Variants in TNIK observed in about 807,000 individuals in gnomAD.
TNIK encodes the protein TRAF2 and NCK-interacting protein kinase.
A neutral mutation model predicts 191.3 loss-of-function variants in TNIK; 49 were observed. That is an observed-to-expected ratio of 0.26 (90% CI 0.20 to 0.32). The LOEUF is 0.32. Ranked by LOEUF, TNIK falls within the 10% of genes least tolerant of loss-of-function variation. TNIK has a pLI of 1.00. For missense variants in TNIK, 1,155 were observed against 1,702.3 expected, an observed-to-expected ratio of 0.68 and a Z score of 5.66; for synonymous variants, 594 against 600.9, an observed-to-expected ratio of 0.99 and a Z score of 0.17.
chr3:171,288,137 G>A (rs1751228496), intron 2 of TNIK, among the ~76,000 whole-genome samples: 1 of 130,656 alleles, frequency 7.7e-6, no homozygotes, highest in African/African-American at 2.9e-5. Context: ...ATGGACACAG[G>A]AAGGGGAATA....
rs148251835 is a variant in TNIK, at chr3:171,082,821, C to T, written c.3170-427G>A. 3.7e-3 allele frequency: 582 copies of T among 155,664 alleles called. 5 individuals carry two copies. Among genetic ancestry groups the T allele is most frequent in the African/African-American group, 0.014 (568 of 41,648 alleles). The allele number at this position is 155,664 out of a possible 1,614,324, so 9.6% of individuals were successfully genotyped here. On this transcript the variant is annotated intron_variant, in intron 26 of 32. Transcript: ENST00000436636. ...CTCTAGCCTACCCACCTTCAATATA[C>T]AGTGGAATTTCCATTTCCATACTCC...
At chr3:171,292,551 C>A (rs536286392) in intron 2 of TNIK, among the ~76,000 whole-genome samples, 3 of 152,054 alleles carry the variant, frequency 2.0e-5, no homozygotes, top group Non-Finnish European at 2.9e-5. Flanking sequence ...CCCAGGCGGG[C>A]GGAACATGAG....
chr3:171,118,438 C>T (rs1727105548), intron 18 of TNIK, among the ~76,000 whole-genome samples: 2 of 152,180 alleles, frequency 1.3e-5, no homozygotes, highest in Admixed American at 1.3e-4. Context: ...GAAAAAACTA[C>T]TTTAAAGTTC....
intron 2 of TNIK, among the ~76,000 whole-genome samples, chr3:171,263,528 A>C (rs1747946782): frequency 6.6e-6 from 1 of 152,090 alleles, no homozygotes; most frequent in South Asian, 2.1e-4. Context: ...CCATTTATTC[A>C]TTTATCCATT....
chr3:171,288,535 G>A (rs1751303199), intron 2 of TNIK, among the ~76,000 whole-genome samples: 1 of 150,614 alleles, frequency 6.6e-6, no homozygotes, highest in Admixed American at 6.6e-5. Context: ...CTGGCCGAGT[G>A]CGGTGGCTCA....
At chr3:171,259,510 G>C (rs1747328509) in intron 2 of TNIK, among the ~76,000 whole-genome samples, 1 of 152,090 alleles carries the variant, frequency 6.6e-6, no homozygotes. Flanking sequence ...CAAAGAAGGT[G>C]GAAAGGATTC....
chr3:171,402,014 A>G (rs996574103), intron 1 of TNIK, among the ~76,000 whole-genome samples: 1 of 152,246 alleles, frequency 6.6e-6, no homozygotes, highest in Non-Finnish European at 1.5e-5. Flanking sequence ...GAAAAATTCG[A>G]AAGCTATGTG....
chr3:171,265,000 T>C (rs1748192021), intron 2 of TNIK, among the ~76,000 whole-genome samples: 2 of 152,140 alleles, frequency 1.3e-5, no homozygotes, highest in Admixed American at 6.5e-5. Context: ...AGTCACCCTT[T>C]CCTTACGGAA....
chr3:171,333,883 T>C (rs535838903), intron 2 of TNIK, among the ~76,000 whole-genome samples: 5 of 152,290 alleles, frequency 3.3e-5, no homozygotes, highest in African/African-American at 4.8e-5. Flanking sequence ...TTTCTCCAAC[T>C]GCGTATTTGT....
intron 2 of TNIK, among the ~76,000 whole-genome samples, chr3:171,261,597 A>G (rs1242915811): frequency 6.6e-6 from 1 of 152,248 alleles, no homozygotes; most frequent in African/African-American, 2.4e-5. Flanking sequence ...CAGCCATGTC[A>G]TAATTCCGAG....
rs1302921855 is a variant in TNIK, at chr3:171,283,558, C to T, written c.124-55337G>A. 3.3e-5 allele frequency among the ~76,000 whole-genome samples: 5 copies of T among 152,184 alleles called. No individual in the cohort carries two copies. The East Asian group carries it at 9.6e-4, about 29-fold the overall frequency. On this transcript the variant is annotated intron_variant, in intron 2 of 32. Transcript: ENST00000436636. ...AAGGGCTCTGAAAAAAGACAGTCTC[C>T]TTGGCAGCCGTTCCAACCTGGCTCC...
intron 2 of TNIK, among the ~76,000 whole-genome samples, chr3:171,359,726 G>T (rs923787): frequency 0.032 from 4,818 of 152,170 alleles, 239 homozygotes; most frequent in African/African-American, 0.11. Context: ...TATACTTAAG[G>T]TTAAACTACA....
chr3:171,074,037 T>TC (rs1165212478), intron 28 of TNIK, among the ~76,000 whole-genome samples: 1 of 151,394 alleles, frequency 6.6e-6, no homozygotes, highest in African/African-American at 2.4e-5. Flanking sequence ...TAACTTTTTT[T>TC]TTTTTTTTTA....
intron 1 of TNIK, among the ~76,000 whole-genome samples, chr3:171,449,750 C>T (rs1364508575): frequency 2.0e-5 from 3 of 151,702 alleles, no homozygotes; most frequent in Non-Finnish European, 4.4e-5. Flanking sequence ...ATTGCTTTTA[C>T]AATGAGAACC....
chr3:171,121,782 A>G (rs1727781063), intron 18 of TNIK, among the ~76,000 whole-genome samples: 1 of 152,184 alleles, frequency 6.6e-6, no homozygotes, highest in African/African-American at 2.4e-5. Flanking sequence ...AGAACCGCAA[A>G]TCTGATTTAC....
chr3:171,226,815 A>G (rs941374166), intron 3 of TNIK, among the ~76,000 whole-genome samples: 1 of 152,190 alleles, frequency 6.6e-6, no homozygotes, highest in African/African-American at 2.4e-5. Context: ...GGTGTAAACA[A>G]TAATTAGTGA....
chr3:171,262,069 A>G (rs1747701924), intron 2 of TNIK, among the ~76,000 whole-genome samples: 1 of 152,174 alleles, frequency 6.6e-6, no homozygotes, highest in African/African-American at 2.4e-5. Context: ...GGAGCAAGAT[A>G]GTGACAGTGG....
intron 1 of TNIK, among the ~76,000 whole-genome samples, chr3:171,379,192 G>A (rs752962001): frequency 8.6e-5 from 13 of 152,036 alleles, no homozygotes; most frequent in South Asian, 6.3e-4. Context: ...TATTTTTCTC[G>A]GTTCACAGAC....
chr3:171,256,300 G>T (rs191485883), intron 2 of TNIK, among the ~76,000 whole-genome samples: 26 of 152,242 alleles, frequency 1.7e-4, no homozygotes, highest in Admixed American at 7.8e-4. Context: ...CCAAGGCCCA[G>T]GGCCTAGAGA....
Sources: gnomAD v4.1 joint callset for allele counts (sites outside exome capture counted in the v4.1 genomes callset) on GRCh38, gnomAD v4.1.1 for gene constraint, MANE v1.5 for transcripts, NCBI Gene and HGNC (gene_info 2026-07-23, HGNC 2026-07-21) for gene names.